Variants in MYO1E observed in about 807,000 individuals in gnomAD.
MYO1E encodes myosin IE, also known as unconventional myosin-Ie.
In MYO1E, 68 loss-of-function variants were observed where a neutral mutation model predicts 151.1. The ratio of observed to expected loss-of-function variants is 0.45; its 90% CI spans 0.37 to 0.55. The LOEUF is 0.55. MYO1E is among the 20% of genes least tolerant of loss of function. The pLI is 0.00. For synonymous variants in MYO1E, 601 were observed against 501.7 expected, an observed-to-expected ratio of 1.20 and a Z score of -2.64; for missense variants, 1,363 against 1,389.3, an observed-to-expected ratio of 0.98 and a Z score of 0.30.
rs748590186 is a variant in MYO1E, at chr15:59,138,345, G to A, written c.3103C>T (p.Arg1035Trp). The change falls in exon 27 of 28, where the codon CGG becomes TGG. Residue 1035 changes from arginine to tryptophan, a missense_variant. Arg to Trp is a moderately radical substitution (Grantham distance 101). Coordinates refer to ENST00000288235, the MANE Select transcript of MYO1E (RefSeq NM_004998.4). ...GGTCTGCCCCCTGCTGGGGGAGGCC[G>A]ACTGGTTGTTTGTCTCCTGACCCTG... ...AAGVRRQTTSRPPPAGGRPKP... is the reference protein window; with the variant it reads ...AAGVRRQTTSWPPPAGGRPKP... 7 of 1,614,014 alleles carry A rather than the reference G, an allele frequency of 4.3e-6. No homozygotes were observed. The highest frequency in any genetic ancestry group is 2.2e-5 in the East Asian group (1 of 44,890).
chr15:59,305,925 T>C (rs562389800), intron 1 of MYO1E, among the ~76,000 whole-genome samples: 16 of 152,204 alleles, frequency 1.1e-4, no homozygotes, highest in African/African-American at 3.6e-4. Context: ...GGCCATACCC[T>C]AAGGATGGCA....
intron 1 of MYO1E, among the ~76,000 whole-genome samples, chr15:59,316,191 GTATCCAGGTT>G (rs1201650831): frequency 2.0e-5 from 3 of 152,228 alleles, no homozygotes; most frequent in Non-Finnish European, 2.9e-5. Context: ...AGAATTTAGT[GTATCCAGGTT>G]TATGGCTAAT....
chr15:59,231,882 T>C (rs1460128594), intron 5 of MYO1E, 91 bp from the exon 6 acceptor site: 3 of 1,389,246 alleles, frequency 2.2e-6, no homozygotes, highest in African/African-American at 2.8e-5. Context: ...GGTTTCTGAA[T>C]GCATTAAGGT....
intron 1 of MYO1E, among the ~76,000 whole-genome samples, chr15:59,366,666 G>T (rs543362795): frequency 1.3e-5 from 2 of 152,052 alleles, no homozygotes; most frequent in Non-Finnish European, 2.9e-5. Flanking sequence ...CTATGTTAGG[G>T]CTGGCTTTTA....
intron 1 of MYO1E, among the ~76,000 whole-genome samples, chr15:59,297,359 C>T (rs12324618): frequency 0.47 from 69,654 of 148,880 alleles, 19,306 homozygotes; most frequent in Middle Eastern, 0.66. Context: ...GCAACCTCCG[C>T]CTCCTGGTTC....
Position 59,208,681 on chromosome 15 carries a change from C to T in MYO1E, c.1530G>A (p.Lys510=), listed in dbSNP as rs1295057231. 1.2e-6 allele frequency: 2 copies of T among 1,614,044 alleles called. No individual in the cohort carries two copies. The highest frequency in any genetic ancestry group is 8.5e-7 in the Non-Finnish European group (1 of 1,180,042). ...ACATTAAAATGGATATTGGCCATAC[C>T]TTCCCAGCATAATGATGAATGATGA... ...QGFIIHHYAG[K]VSYDMDGFCE... Residue 510 remains lysine, a splice_region_variant and synonymous_variant, in exon 14 of 28, where the codon AAG becomes AAA. Coordinates refer to ENST00000288235, the MANE Select transcript of MYO1E (RefSeq NM_004998.4).
chr15:59,165,061 C>A (rs1256195128), intron 22 of MYO1E, among the ~76,000 whole-genome samples: 1 of 152,254 alleles, frequency 6.6e-6, no homozygotes. Context: ...CCAGACACCA[C>A]ATCTGCCTGC....
rs778982725 is a variant in MYO1E at position 59,215,875 on chromosome 15, G to GCAC, written c.1108-1158_1108-1156dup. On this transcript the variant is annotated intron_variant, in intron 10 of 27. Transcript: ENST00000288235. ...GAGATATGGATTCTAGTCCCAGGCT[G>GCAC]CACCACCCCCTTGCTGACCAGCCTT... 5.9e-5 allele frequency among the ~76,000 whole-genome samples: 9 copies of GCAC among 152,230 alleles called. No homozygotes were observed. The East Asian group carries it at 9.6e-4, about 16-fold the overall frequency.
At chr15:59,226,030 G>T (rs1252920642) in intron 7 of MYO1E, among the ~76,000 whole-genome samples, 1 of 152,234 alleles carries the variant, frequency 6.6e-6, no homozygotes, top group Non-Finnish European at 1.5e-5. Context: ...CTTAAGGGCA[G>T]AGAACTCCTG....
chr15:59,366,257 G>A lies in MYO1E; in HGVS notation c.3+6241C>T, dbSNP rs576306141. Reference sequence around the variant, plus strand: ...GCCCCCCAAAGTGCTGGGATTACAGGCGTGAACCACAGGGCCCAGCCCTGT... The same window carrying A: ...GCCCCCCAAAGTGCTGGGATTACAGACGTGAACCACAGGGCCCAGCCCTGT... On this transcript the variant is annotated intron_variant, in intron 1 of 27. Coordinates refer to ENST00000288235, the MANE Select transcript of MYO1E (RefSeq NM_004998.4). 8.6e-5 allele frequency among the ~76,000 whole-genome samples: 13 copies of A among 151,884 alleles called. No homozygotes were observed. The East Asian group carries it at 2.5e-3, about 30-fold the overall frequency.
intron 10 of MYO1E, among the ~76,000 whole-genome samples, 193 bp downstream of exon 10, chr15:59,217,698 T>C (rs1409401537): frequency 6.6e-6 from 1 of 151,568 alleles, no homozygotes; most frequent in East Asian, 1.9e-4. Flanking sequence ...GGCTAATTTT[T>C]GTGTTTTTTT....
In MYO1E at chr15:59,226,997, G is replaced by A. The variant is rs547080854; in HGVS notation, c.642+462C>T. Among the ~76,000 whole-genome samples, 10 of 152,294 alleles carry A rather than the reference G, an allele frequency of 6.6e-5. 1 individual carries two copies. Among genetic ancestry groups the A allele is most frequent in the African/African-American group, 9.6e-5 (4 of 41,560 alleles). On this transcript the variant is annotated intron_variant, in intron 7 of 27. Coordinates refer to ENST00000288235, the MANE Select transcript of MYO1E (RefSeq NM_004998.4). ...TCAAATCTTTCCTCCGGTAGCTCAC[G>A]TTCTGGAGACGCCTGCCCTGCAGGC... is the stretch of plus-strand genomic sequence containing the variant.
intron 26 of MYO1E, among the ~76,000 whole-genome samples, chr15:59,144,726 T>G (rs866274165): frequency 6.6e-6 from 1 of 152,200 alleles, no homozygotes; most frequent in African/African-American, 2.4e-5. Context: ...GGAAGCCACC[T>G]TGGAACACAG....
chr15:59,275,357 T>C (rs752072336), intron 1 of MYO1E, among the ~76,000 whole-genome samples: 12 of 152,132 alleles, frequency 7.9e-5, no homozygotes, highest in Non-Finnish European at 1.3e-4. Context: ...TTATATCCAA[T>C]AGGTCACATA....
intron 2 of MYO1E, among the ~76,000 whole-genome samples, chr15:59,269,570 T>A (rs1034988696): frequency 5.3e-5 from 8 of 152,180 alleles, no homozygotes; most frequent in Non-Finnish European, 8.8e-5. Flanking sequence ...TTCAATTAAA[T>A]GAAGCTGCTG....
intron 9 of MYO1E, among the ~76,000 whole-genome samples, chr15:59,220,768 G>A (rs562873436): frequency 2.0e-5 from 3 of 151,456 alleles, no homozygotes; most frequent in African/African-American, 7.3e-5. Context: ...TAAATAAAGT[G>A]TAGCCAATGA....
intron 1 of MYO1E, among the ~76,000 whole-genome samples, chr15:59,321,127 C>T (rs2080623164): frequency 6.6e-6 from 1 of 152,126 alleles, no homozygotes; most frequent in South Asian, 2.1e-4. Context: ...ATCAAAACCA[C>T]AATGAGATAC....
At chr15:59,256,249 T>C (rs1442099333) in intron 4 of MYO1E, 35 bp downstream of exon 4, 1 of 1,493,494 alleles carries the variant, frequency 6.7e-7, no homozygotes. Flanking sequence ...TAGTCTCATA[T>C]CTTCCACGCC....
At chr15:59,275,608 G>C (rs988275689) in intron 1 of MYO1E, among the ~76,000 whole-genome samples, 2 of 152,138 alleles carry the variant, frequency 1.3e-5, no homozygotes, top group African/African-American at 4.8e-5. Flanking sequence ...TCCTCACTAT[G>C]CATTTATTCT....
Sources: gnomAD v4.1 joint callset for allele counts (sites outside exome capture counted in the v4.1 genomes callset) on GRCh38, gnomAD v4.1.1 for gene constraint, MANE v1.5 for transcripts, NCBI Gene and HGNC (gene_info 2026-07-23, HGNC 2026-07-21) for gene names.